Variants in KCNQ5 observed in about 807,000 individuals in gnomAD.
KCNQ5 encodes potassium voltage-gated channel subfamily Q member 5.
KCNQ5 carries 30 observed loss-of-function variants against 98.2 expected under a neutral mutation model. The ratio of observed to expected loss-of-function variants is 0.31; its 90% CI spans 0.23 to 0.41. The LOEUF (loss-of-function observed/expected upper bound fraction) is 0.41. KCNQ5 is among the 10% of genes least tolerant of loss of function. The pLI, the probability that KCNQ5 is intolerant of heterozygous loss-of-function variation, is 1.00. For synonymous variants in KCNQ5, 458 were observed against 449.4 expected (o/e 1.02, Z -0.24); for missense variants, 835 against 1,182.5 (o/e 0.71, Z 4.31).
chr6:72,638,265 A>G (rs557638468), intron 1 of KCNQ5, among the ~76,000 whole-genome samples: 2 of 152,192 alleles, frequency 1.3e-5, no homozygotes, highest in East Asian at 3.9e-4. Flanking sequence ...TTAGAGTTTC[A>G]CAGTATCTCT....
chr6:73,106,849 T>C (rs763655195), intron 6 of KCNQ5, among the ~76,000 whole-genome samples: 3 of 152,138 alleles, frequency 2.0e-5, no homozygotes, highest in Non-Finnish European at 4.4e-5. Context: ...TGCGGACCAA[T>C]GTAATAATGT....
chr6:72,747,291 T>A (rs1771453813), intron 1 of KCNQ5, among the ~76,000 whole-genome samples: 1 of 152,184 alleles, frequency 6.6e-6, no homozygotes, highest in African/African-American at 2.4e-5. Context: ...AGACCTGCTG[T>A]GATACCTTAT....
intron 9 of KCNQ5, among the ~76,000 whole-genome samples, chr6:73,130,901 A>AT (rs1225905896): frequency 3.9e-5 from 6 of 152,312 alleles, no homozygotes; most frequent in Middle Eastern, 3.4e-3. Flanking sequence ...AAAACATTAC[A>AT]TTTTTTCTAA....
In KCNQ5 at chr6:73,198,764, T is replaced by G. The variant is rs779207399; in HGVS notation, c.*3350T>G. 28 of 152,242 alleles carry G rather than the reference T, an allele frequency of 1.8e-4. No individual in the cohort carries two copies. Among genetic ancestry groups the G allele is most frequent in the Non-Finnish European group, 3.4e-4 (23 of 68,038 alleles). 9.4% of individuals were successfully genotyped at this position (152,242 alleles called of 1,614,324 possible). A position where few individuals can be genotyped will look rare whatever the true frequency, so the allele number is the denominator to read the frequency against. On this transcript the variant is annotated 3_prime_UTR_variant, in exon 14 of 14. Coordinates refer to ENST00000370398, the MANE Select transcript of KCNQ5 (RefSeq NM_019842.4). ...ATAAATCGGGAACACCATATCCATT[T>G]CAAGCTATCATTAAAGTGTAATTTC... is the stretch of plus-strand genomic sequence containing the variant.
At chr6:73,163,705 G>A (rs1020190431) in intron 10 of KCNQ5, among the ~76,000 whole-genome samples, 1 of 152,120 alleles carries the variant, frequency 6.6e-6, no homozygotes, top group African/African-American at 2.4e-5. Context: ...CCAAGATCGC[G>A]CCACTTCACT....
intron 7 of KCNQ5, among the ~76,000 whole-genome samples, chr6:73,112,351 T>G (rs950496878): frequency 6.4e-5 from 9 of 140,662 alleles, no homozygotes; most frequent in African/African-American, 1.3e-4. Flanking sequence ...GTTTGTTTTG[T>G]TTTTTTTTTT....
At chr6:73,087,997 C>T (rs1774059468) in intron 5 of KCNQ5, among the ~76,000 whole-genome samples, 2 of 147,620 alleles carry the variant, frequency 1.4e-5, no homozygotes, top group South Asian at 2.2e-4. Context: ...GCTCATTGTC[C>T]TTGTTTTCTT....
chr6:72,910,303 T>A (rs1779876989), intron 1 of KCNQ5, among the ~76,000 whole-genome samples: 1 of 152,182 alleles, frequency 6.6e-6, no homozygotes, highest in South Asian at 2.1e-4. Context: ...TCTTTTAACC[T>A]TCTCATCTTA....
chr6:72,634,090 C>G (rs905169154), intron 1 of KCNQ5, among the ~76,000 whole-genome samples: 3 of 152,144 alleles, frequency 2.0e-5, no homozygotes, highest in Non-Finnish European at 4.4e-5. Context: ...GTGGATGGTA[C>G]GTGTGGGCCC....
At chr6:73,173,109 A>T (rs1452765857) in intron 11 of KCNQ5, among the ~76,000 whole-genome samples, 1 of 152,224 alleles carries the variant, frequency 6.6e-6, no homozygotes, top group African/African-American at 2.4e-5. Flanking sequence ...TACTATTCTT[A>T]GACTATTTCC....
intron 1 of KCNQ5, among the ~76,000 whole-genome samples, chr6:72,816,231 T>C (rs917066669): frequency 3.3e-5 from 5 of 152,142 alleles, no homozygotes; most frequent in African/African-American, 1.2e-4. Flanking sequence ...AGAAAACTGG[T>C]GACCTTTCAG....
intron 1 of KCNQ5, among the ~76,000 whole-genome samples, chr6:72,821,570 T>C (rs1775753343): frequency 6.6e-6 from 1 of 152,028 alleles, no homozygotes; most frequent in African/African-American, 2.4e-5. Context: ...TGAATAGTAT[T>C]TGTGACAGAT....
At chr6:73,175,204 G>A (rs1183538365) in intron 11 of KCNQ5, among the ~76,000 whole-genome samples, 1 of 151,894 alleles carries the variant, frequency 6.6e-6, no homozygotes, top group East Asian at 1.9e-4. Context: ...AGGCTGGAGT[G>A]CAACGGCGCG....
At chr6:72,633,931 C>T (rs2098922521) in intron 1 of KCNQ5, among the ~76,000 whole-genome samples, 1 of 152,178 alleles carries the variant, frequency 6.6e-6, no homozygotes, top group Admixed American at 6.5e-5. Context: ...CTAGAAAAAT[C>T]CTAGAAGAGA....
At chr6:73,096,843 G>A (rs4708028) in intron 5 of KCNQ5, among the ~76,000 whole-genome samples, 109,747 of 151,532 alleles carry the variant, frequency 0.72, 45,350 homozygotes, top group South Asian at 0.94. Flanking sequence ...AAAAGTTCAA[G>A]ACCAGCCTGG....
intron 1 of KCNQ5, among the ~76,000 whole-genome samples, chr6:72,718,592 A>G (rs1420122734): frequency 6.6e-6 from 1 of 151,502 alleles, no homozygotes; most frequent in African/African-American, 2.4e-5. Flanking sequence ...CTGGGACTAC[A>G]GGTACGTGCC....
intron 1 of KCNQ5, among the ~76,000 whole-genome samples, chr6:72,998,795 A>G (rs1386441132): frequency 6.6e-6 from 1 of 151,880 alleles, no homozygotes; most frequent in Non-Finnish European, 1.5e-5. Context: ...GAGTATAACT[A>G]ACTTACATGG....
At position 73,175,395 on chromosome 6, in the gene KCNQ5, C is replaced by T. The variant is rs948380443; in HGVS notation, c.1577+5541C>T. Among the ~76,000 whole-genome samples, 6 of 107,076 alleles carry T rather than the reference C, an allele frequency of 5.6e-5. No individual in the cohort carries two copies. The South Asian group carries it at 8.7e-4, about 15-fold the overall frequency. The allele number at this position is 107,076 out of a possible 152,430, so 70.2% of individuals were successfully genotyped here. A position where few individuals can be genotyped will look rare whatever the true frequency, so the allele number is the denominator to read the frequency against. On this transcript the variant is annotated intron_variant, in intron 11 of 13. Coordinates refer to ENST00000370398, the MANE Select transcript of KCNQ5 (RefSeq NM_019842.4). ...GAACTCTCGACCTCAGGTGATCTGC[C>T]CCCCCCTTGGCTTCCCTAAGTGCTG...
intron 2 of KCNQ5, among the ~76,000 whole-genome samples, chr6:73,017,382 A>G (rs1185886709): frequency 6.6e-6 from 1 of 152,172 alleles, no homozygotes; most frequent in African/African-American, 2.4e-5. Flanking sequence ...ATTACAAATG[A>G]GATGATCAAA....
Sources: allele counts gnomAD v4.1 joint callset (sites outside exome capture counted in the v4.1 genomes callset), GRCh38; gene constraint gnomAD v4.1.1; transcripts MANE v1.5; gene names NCBI Gene and HGNC (gene_info 2026-07-23, HGNC 2026-07-21).